COMMD7: variants seen among roughly 807,000 people sequenced by gnomAD.
The protein encoded by COMMD7 is COMM domain containing 7.
A neutral mutation model predicts 34.8 loss-of-function variants in COMMD7; 28 were observed. The observed-to-expected ratio is 0.80, with a 90% CI of 0.60 to 1.10. COMMD7 has a LOEUF of 1.10. COMMD7 is among the 50% of genes least tolerant of loss of function. COMMD7 has a pLI of 0.00. For synonymous variants in COMMD7, 80 were observed against 86.4 expected, an observed-to-expected ratio of 0.93 and a Z score of 0.41; for missense variants, 211 against 241.6, an observed-to-expected ratio of 0.87 and a Z score of 0.84.
rs1028334346 is a variant in COMMD7 at position 32,730,102 on chromosome 20, G to A, written c.85-1960C>T. Among the ~76,000 whole-genome samples the A allele has an allele frequency of 2.6e-5, 4 of 152,090 alleles. No homozygotes were observed. The East Asian group carries it at 5.8e-4, about 22-fold the overall frequency. On this transcript the variant is annotated intron_variant, in intron 1 of 8. Coordinates refer to ENST00000278980, the MANE Select transcript of COMMD7 (RefSeq NM_053041.3). ...AAAATACCAGCTGCCCAGGTATTTT[G>A]TTATGGCAGCCTGAGCTGACTGAGA... is the stretch of plus-strand genomic sequence containing the variant.
rs1033571421 is a variant in COMMD7, at chr20:32,703,333, G to A, written c.*49C>T. The stretch of plus-strand genomic sequence containing the variant: ...GTGCCTCTCAGAGCAGTCACCCAGG[G>A]AAGGGAGGAGGGCAGGGAACGGGGC... On this transcript the variant is annotated 3_prime_UTR_variant, in exon 9 of 9. Coordinates refer to ENST00000278980, the MANE Select transcript of COMMD7 (RefSeq NM_053041.3). 1.9e-6 allele frequency: 3 copies of A among 1,547,580 alleles called. No individual in the cohort carries two copies. The highest frequency in any genetic ancestry group is 2.7e-6 in the Non-Finnish European group (3 of 1,124,984).
rs200667336 is a variant in COMMD7 at position 32,703,424 on chromosome 20, G to A, written c.561C>T (p.His187=). 1.5e-5 allele frequency: 24 copies of A among 1,613,888 alleles called. No individual in the cohort carries two copies. The South Asian group carries it at 2.1e-4, about 14-fold the overall frequency. Reference sequence around the variant, plus strand: ...TGCTGGTTCTGACTCGCTCCATCTCGTGCAGGAAGCTGTAGAACTGAGGCA... The same window carrying A: ...TGCTGGTTCTGACTCGCTCCATCTCATGCAGGAAGCTGTAGAACTGAGGCA... ...LTLPQFYSFL[H]EMERVRTSME... Residue 187 remains histidine, a synonymous_variant, in exon 9 of 9, where the codon CAC becomes CAT. Coordinates refer to ENST00000278980, the MANE Select transcript of COMMD7 (RefSeq NM_053041.3).
chr20:32,712,293 A>AG (rs1402534717), intron 3 of COMMD7, among the ~76,000 whole-genome samples: 3 of 147,010 alleles, frequency 2.0e-5, no homozygotes, highest in East Asian at 2.0e-4. Flanking sequence ...AAAAAAAAAA[A>AG]AGAGAGAGAT....
At chr20:32,720,937 A>G (rs189213923) in intron 3 of COMMD7, among the ~76,000 whole-genome samples, 11 of 152,314 alleles carry the variant, frequency 7.2e-5, no homozygotes, top group Admixed American at 6.5e-5. Flanking sequence ...CTTAGGAAAG[A>G]ACAAGACTCG....
In COMMD7 at chr20:32,722,138, G is replaced by A. The variant is rs369202524; in HGVS notation, c.241+5755C>T. On this transcript the variant is annotated intron_variant, in intron 3 of 8. Coordinates refer to ENST00000278980, the MANE Select transcript of COMMD7 (RefSeq NM_053041.3). ...TGCATGCCTGTAGTTCCAGCTACTCGGGAGGCTGAGGAAGGAGAATTGCTT... is the reference window on the plus strand; with the variant it reads ...TGCATGCCTGTAGTTCCAGCTACTCAGGAGGCTGAGGAAGGAGAATTGCTT... 1.5e-3 allele frequency among the ~76,000 whole-genome samples: 220 copies of A among 151,580 alleles called. 3 individuals are homozygous for A. The highest frequency in any genetic ancestry group is 5.2e-3 in the African/African-American group (215 of 41,360).
rs764073417 is a variant in COMMD7 at position 32,741,150 on chromosome 20, C to CAA, written c.84+2156_84+2157dup. On this transcript the variant is annotated intron_variant, in intron 1 of 8. Transcript: ENST00000278980. ...AGAGGAAGACTCCGTCTAAAACAAA[C>CAA]AAACAAACAAAAAAAAACTGACAGT... Among the ~76,000 whole-genome samples the CAA allele has an allele frequency of 1.3e-4, 12 of 90,488 alleles. 2 individuals carry two copies. Among genetic ancestry groups the CAA allele is most frequent in the Non-Finnish European group, 2.6e-4 (10 of 37,888 alleles). The allele number at this position is 90,488 out of a possible 152,430, so 59.4% of individuals were successfully genotyped here.
At chr20:32,741,280 G>T (rs867856913) in intron 1 of COMMD7, among the ~76,000 whole-genome samples, 2 of 151,332 alleles carry the variant, frequency 1.3e-5, no homozygotes, top group Middle Eastern at 3.4e-3. Context: ...TTCACAGGTG[G>T]AATCACCATG....
chr20:32,743,237 T>TGCCCCC, intron 1 of COMMD7, 71 bp downstream of exon 1: 42 of 526,898 alleles, frequency 8.0e-5, no homozygotes, highest in East Asian at 3.1e-4. Flanking sequence ...CCCCCGGACG[T>TGCCCCC]CCCCCCCACC....
At chr20:32,704,353 AT>A in intron 7 of COMMD7, 86 bp downstream of exon 7, 1 of 1,274,406 alleles carries the variant, frequency 7.8e-7, no homozygotes, top group South Asian at 1.4e-5. Flanking sequence ...TAAAACATCC[AT>A]TTAAATATCC....
At chr20:32,737,899 C>T (rs528532019) in intron 1 of COMMD7, among the ~76,000 whole-genome samples, 8 of 146,668 alleles carry the variant, frequency 5.5e-5, no homozygotes, top group South Asian at 2.1e-4. Flanking sequence ...GTATTTTCTA[C>T]GAATACCAAG....
intron 3 of COMMD7, among the ~76,000 whole-genome samples, chr20:32,710,127 G>T (rs1398747484): frequency 6.6e-6 from 1 of 151,684 alleles, no homozygotes; most frequent in Non-Finnish European, 1.5e-5. Flanking sequence ...TCCCACCTTG[G>T]CCTCTCAAAA....
chr20:32,704,671 A>G, intron 6 of COMMD7, 143 bp downstream of exon 6: 2 of 784,756 alleles, frequency 2.5e-6, no homozygotes, highest in South Asian at 3.5e-5. Context: ...CAGCTACTGA[A>G]TGTGGACAGA....
chr20:32,742,104 T>G (rs1986478864), intron 1 of COMMD7, among the ~76,000 whole-genome samples: 2 of 152,068 alleles, frequency 1.3e-5, no homozygotes, highest in African/African-American at 4.8e-5. Context: ...AGAGAACTGG[T>G]TGAACCTGGG....
intron 1 of COMMD7, among the ~76,000 whole-genome samples, chr20:32,728,407 A>G (rs1985643319): frequency 6.6e-6 from 1 of 150,710 alleles, no homozygotes; most frequent in Non-Finnish European, 1.5e-5. Context: ...ACTCAGATGC[A>G]CACATATATC....
intron 1 of COMMD7, among the ~76,000 whole-genome samples, chr20:32,729,357 C>T (rs543601400): frequency 2.2e-4 from 34 of 151,360 alleles, no homozygotes; most frequent in African/African-American, 7.0e-4. Context: ...TTAGTAGAGA[C>T]GGGTTTCACC....
intron 5 of COMMD7, among the ~76,000 whole-genome samples, 195 bp downstream of exon 5, chr20:32,706,388 C>T (rs1220243129): frequency 2.6e-5 from 4 of 151,712 alleles, no homozygotes; most frequent in Non-Finnish European, 5.9e-5. Flanking sequence ...TGGCATGTGC[C>T]TGTAGTCCCA....
chr20:32,712,336 G>GT (rs1984511666), intron 3 of COMMD7, among the ~76,000 whole-genome samples: 1 of 143,784 alleles, frequency 7.0e-6, no homozygotes, highest in Non-Finnish European at 1.5e-5. Flanking sequence ...GTGAAACTCC[G>GT]TATCTACTAA....
intron 3 of COMMD7, among the ~76,000 whole-genome samples, chr20:32,715,389 G>A (rs1192929983): frequency 7.7e-6 from 1 of 130,386 alleles, no homozygotes; most frequent in Non-Finnish European, 1.6e-5. Context: ...AGGCTGAGGT[G>A]GGAGGCTCAC....
intron 3 of COMMD7, among the ~76,000 whole-genome samples, chr20:32,709,763 C>A (rs574499477): frequency 2.6e-5 from 4 of 152,192 alleles, no homozygotes; most frequent in Non-Finnish European, 4.4e-5. Context: ...CTTTCTACCC[C>A]TGGCCATTTG....
Sources: allele counts gnomAD v4.1 joint callset (sites outside exome capture counted in the v4.1 genomes callset), GRCh38; gene constraint gnomAD v4.1.1; transcripts MANE v1.5; gene names NCBI Gene and HGNC (gene_info 2026-07-23, HGNC 2026-07-21).